The following RBM46 variants were observed in gnomAD, a reference collection of about 807,000 sequenced individuals.
The protein encoded by RBM46 is RNA binding motif protein 46, also known as probable RNA-binding protein 46.
A neutral mutation model predicts 43.3 loss-of-function variants in RBM46; 12 were observed. The ratio of observed to expected loss-of-function variants is 0.28; its 90% CI spans 0.18 to 0.45. The LOEUF (loss-of-function observed/expected upper bound fraction) is 0.45. Ranked by LOEUF, RBM46 falls within the 20% of genes least tolerant of loss-of-function variation. RBM46 has a pLI of 1.00. For synonymous variants in RBM46, 205 were observed against 207.6 expected, an observed-to-expected ratio of 0.99 and a Z score of 0.11; for missense variants, 412 against 639.1, an observed-to-expected ratio of 0.64 and a Z score of 3.83.
intron 1 of RBM46, among the ~76,000 whole-genome samples, chr4:154,782,898 C>A (rs925782493): frequency 2.0e-5 from 3 of 152,128 alleles, no homozygotes; most frequent in African/African-American, 7.2e-5. Context: ...AGGACATGTT[C>A]AAGGGTCTGT....
intron 4 of RBM46, among the ~76,000 whole-genome samples, chr4:154,812,129 GAT>G (rs1247576582): frequency 6.6e-6 from 1 of 151,028 alleles, no homozygotes; most frequent in Non-Finnish European, 1.5e-5. Context: ...AAATTCACAT[GAT>G]TCCAATGAAA....
intron 4 of RBM46, among the ~76,000 whole-genome samples, chr4:154,803,139 T>G (rs750080191): frequency 6.6e-6 from 1 of 152,226 alleles, no homozygotes; most frequent in Non-Finnish European, 1.5e-5. Context: ...TTTAGTGATC[T>G]TACTAGCATC....
intron 4 of RBM46, among the ~76,000 whole-genome samples, chr4:154,818,735 C>T (rs1735585463): frequency 6.6e-6 from 1 of 151,976 alleles, no homozygotes; most frequent in African/African-American, 2.4e-5. Flanking sequence ...TTACTGTAAC[C>T]TGTGTATTGA....
chr4:154,802,356 C>T (rs1199125293), intron 4 of RBM46, among the ~76,000 whole-genome samples: 9 of 152,178 alleles, frequency 5.9e-5, no homozygotes. Flanking sequence ...GGGCCAGGAG[C>T]TGTAGACAGT....
intron 1 of RBM46, among the ~76,000 whole-genome samples, chr4:154,785,251 T>C (rs1299087615): frequency 6.6e-6 from 1 of 152,118 alleles, no homozygotes; most frequent in Non-Finnish European, 1.5e-5. Context: ...TTAATGTGTA[T>C]GGACTGGCAT....
chr4:154,786,642 C>A (rs76671207), intron 1 of RBM46, among the ~76,000 whole-genome samples: 2 of 150,404 alleles, frequency 1.3e-5, no homozygotes, highest in Admixed American at 1.3e-4. Context: ...AAAAAAAAAA[C>A]AGTAGGCCAG....
Position 154,796,923 on chromosome 4 carries a change from C to T in RBM46, c.151+20C>T. The stretch of plus-strand genomic sequence containing the variant: ...CTCCAGGTGTGGATTTGTTTACAGT[C>T]TTTTAAATTTAATCTTTAACCTCGT... On this transcript the variant is annotated intron_variant, in intron 2 of 4. Coordinates refer to ENST00000281722, the MANE Select transcript of RBM46 (RefSeq NM_144979.5). The T allele has an allele frequency of 6.2e-7, 1 of 1,601,224 alleles. No homozygotes were observed. Among genetic ancestry groups the T allele is most frequent in the Non-Finnish European group, 8.5e-7 (1 of 1,174,298 alleles).
intron 4 of RBM46, among the ~76,000 whole-genome samples, chr4:154,805,547 G>T (rs934548038): frequency 2.0e-5 from 3 of 151,660 alleles, no homozygotes; most frequent in African/African-American, 7.3e-5. Flanking sequence ...TTCAAATGAA[G>T]CTTTTATTTC....
Position 154,796,923 on chromosome 4 carries a change from C to G in RBM46, c.151+20C>G. On this transcript the variant is annotated intron_variant, in intron 2 of 4. Transcript: ENST00000281722. ...CTCCAGGTGTGGATTTGTTTACAGT[C>G]TTTTAAATTTAATCTTTAACCTCGT... 5 of 1,601,224 alleles carry G rather than the reference C, an allele frequency of 3.1e-6. No individual in the cohort carries two copies. Among genetic ancestry groups the G allele is most frequent in the Non-Finnish European group, 4.3e-6 (5 of 1,174,298 alleles).
chr4:154,816,905 CT>C (rs1208790892), intron 4 of RBM46, among the ~76,000 whole-genome samples: 27 of 152,018 alleles, frequency 1.8e-4, no homozygotes, highest in Non-Finnish European at 3.1e-4. Flanking sequence ...TTGTCAAATA[CT>C]TTTTTGCATC....
At chr4:154,788,253 T>C (rs187881171) in intron 1 of RBM46, among the ~76,000 whole-genome samples, 5 of 152,346 alleles carry the variant, frequency 3.3e-5, no homozygotes, top group African/African-American at 9.6e-5. Context: ...AGTCATGAAG[T>C]CCTTGCCCAT....
intron 4 of RBM46, among the ~76,000 whole-genome samples, chr4:154,805,798 G>A (rs1413841778): frequency 6.6e-6 from 1 of 151,608 alleles, no homozygotes; most frequent in Admixed American, 6.6e-5. Flanking sequence ...ATTCTAGGAG[G>A]CACTTAAGCC....
intron 1 of RBM46, among the ~76,000 whole-genome samples, chr4:154,784,765 C>G (rs1295753352): frequency 6.6e-6 from 1 of 152,140 alleles, no homozygotes; most frequent in Admixed American, 6.6e-5. Flanking sequence ...GTTTTTAGAA[C>G]GCTTTGTAGT....
intron 4 of RBM46, among the ~76,000 whole-genome samples, chr4:154,806,037 C>G (rs1299913599): frequency 6.6e-6 from 1 of 151,832 alleles, no homozygotes; most frequent in African/African-American, 2.4e-5. Flanking sequence ...CATTTGTTTT[C>G]ATATGACCAA....
intron 4 of RBM46, chr4:154,827,524 C>G (rs934652254): frequency 9.5e-7 from 1 of 1,049,244 alleles, no homozygotes; most frequent in African/African-American, 1.7e-5. Flanking sequence ...ATGGACTACC[C>G]CTTAGAACCA....
intron 4 of RBM46, among the ~76,000 whole-genome samples, chr4:154,823,997 CTATGAAAATATGTG>C (rs1237789708): frequency 6.6e-6 from 1 of 151,580 alleles, no homozygotes; most frequent in Non-Finnish European, 1.5e-5. Context: ...CAAATTTGTT[CTATGAAAATATGTG>C]TATTCCATAT....
Position 154,825,001 on chromosome 4 carries a change from G to C in RBM46, c.1403-2867G>C, listed in dbSNP as rs536365129. ...TCAAAACTCATTGAAATAAACATAG[G>C]ATGTATGCATTTTATTTTATATAAA... is the stretch of plus-strand genomic sequence containing the variant. On this transcript the variant is annotated intron_variant, in intron 4 of 4. Coordinates refer to ENST00000281722, the MANE Select transcript of RBM46 (RefSeq NM_144979.5). Among the ~76,000 whole-genome samples, 9 of 152,168 alleles carry C rather than the reference G, an allele frequency of 5.9e-5. No homozygotes were observed. The East Asian group carries it at 1.7e-3, about 29-fold the overall frequency.
In RBM46 at chr4:154,797,965, T is replaced by A. The variant is rs776992883; in HGVS notation, c.306T>A (p.Gly102=). 1.2e-6 allele frequency: 2 copies of A among 1,612,732 alleles called. No individual in the cohort carries two copies. The highest frequency in any genetic ancestry group is 2.2e-5 in the South Asian group (2 of 90,568). Residue 102 remains glycine, a synonymous_variant, in exon 3 of 5, where the codon GGT becomes GGA. Transcript: ENST00000281722. The part of the protein sequence containing the change: ...LMMEFSGENR[G]YAFVMYTTKE... ...TGGAATTTAGTGGTGAAAATCGAGGTTATGCTTTTGTGATGTACACTACAA... is the reference window on the plus strand; with the variant it reads ...TGGAATTTAGTGGTGAAAATCGAGGATATGCTTTTGTGATGTACACTACAA...
At chr4:154,807,964 G>T (rs1267531097) in intron 4 of RBM46, among the ~76,000 whole-genome samples, 11 of 151,734 alleles carry the variant, frequency 7.2e-5, no homozygotes, top group African/African-American at 2.7e-4. Context: ...AATAATTTGG[G>T]TAACTAAATA....
Sources: gnomAD v4.1 joint callset for allele counts (sites outside exome capture counted in the v4.1 genomes callset) on GRCh38, gnomAD v4.1.1 for gene constraint, MANE v1.5 for transcripts, NCBI Gene and HGNC (gene_info 2026-07-23, HGNC 2026-07-21) for gene names.